The following COL22A1 variants were observed in gnomAD, a reference collection of about 807,000 sequenced individuals.
The protein encoded by COL22A1 is collagen alpha-1(XXII) chain.
COL22A1 carries 221 observed loss-of-function variants against 248.9 expected under a neutral mutation model. The observed-to-expected ratio is 0.89, with a 90% CI of 0.80 to 0.99. The LOEUF (loss-of-function observed/expected upper bound fraction) is 0.99. Among genes scored for constraint, COL22A1 ranks in the 50% least tolerant of loss-of-function variants. The pLI is 0.00. For synonymous variants in COL22A1, 891 were observed against 793.4 expected (o/e 1.12, Z -2.07); for missense variants, 2,240 against 2,179.0 (o/e 1.03, Z -0.56).
intron 31 of COL22A1, among the ~76,000 whole-genome samples, chr8:138,701,285 G>T (rs1296895425): frequency 1.3e-5 from 2 of 152,058 alleles, no homozygotes; most frequent in East Asian, 1.9e-4. Flanking sequence ...CCACTGTAGG[G>T]TTAGTTTATC....
intron 10 of COL22A1, among the ~76,000 whole-genome samples, chr8:138,806,685 C>G (rs1817758429): frequency 6.6e-6 from 1 of 152,156 alleles, no homozygotes; most frequent in Non-Finnish European, 1.5e-5. Context: ...CAAGAAGGGA[C>G]CACCTGCAAC....
chr8:138,589,307 C>A lies in COL22A1; in HGVS notation c.4827G>T (p.Gln1609His). The part of the protein sequence containing the change: ...PGPPGQCDPS[Q>H]CAYFASLAAR... Reference sequence around the variant, plus strand: ...CAGCAAGGCTGGCGAAGTAGGCACACTGGGAAGGGTCACATTGGCCTGGGG... The same window carrying A: ...CAGCAAGGCTGGCGAAGTAGGCACAATGGGAAGGGTCACATTGGCCTGGGG... The change falls in exon 65 of 65, where the codon CAG becomes CAT. Residue 1609 changes from glutamine to histidine, a missense_variant. Gln to His is a conservative substitution (Grantham distance 24). Coordinates refer to ENST00000303045, the MANE Select transcript of COL22A1 (RefSeq NM_152888.3). 1 of 1,613,818 alleles carries A rather than the reference C, an allele frequency of 6.2e-7. No individual in the cohort carries two copies. The highest frequency in any genetic ancestry group is 8.5e-7 in the Non-Finnish European group (1 of 1,179,842).
intron 11 of COL22A1, among the ~76,000 whole-genome samples, chr8:138,801,671 G>A (rs1158320449): frequency 6.6e-6 from 1 of 152,148 alleles, no homozygotes; most frequent in Non-Finnish European, 1.5e-5. Flanking sequence ...CTGAGGTCAG[G>A]AGTTTGAGAC....
In COL22A1 at chr8:138,788,282, C is replaced by T. The variant is rs906949813; in HGVS notation, c.1597-7302G>A. 2.0e-5 allele frequency among the ~76,000 whole-genome samples: 3 copies of T among 152,144 alleles called. No homozygotes were observed. The South Asian group carries it at 6.2e-4, about 32-fold the overall frequency. ...TTGTCTCAAGTTTGACAATCATTTGCCAGCATGACAAATGCAGGCTGTGAA... is the reference window on the plus strand; with the variant it reads ...TTGTCTCAAGTTTGACAATCATTTGTCAGCATGACAAATGCAGGCTGTGAA... On this transcript the variant is annotated intron_variant, in intron 12 of 64. Coordinates refer to ENST00000303045, the MANE Select transcript of COL22A1 (RefSeq NM_152888.3).
chr8:138,858,419 CA>C (rs1822206082), intron 3 of COL22A1, among the ~76,000 whole-genome samples: 2 of 151,842 alleles, frequency 1.3e-5, no homozygotes, highest in Admixed American at 6.6e-5. Context: ...CTTGCTTTAT[CA>C]CCCAGGCTGG....
chr8:138,838,093 C>T (rs1820573658), intron 4 of COL22A1, among the ~76,000 whole-genome samples: 1 of 151,130 alleles, frequency 6.6e-6, no homozygotes, highest in African/African-American at 2.4e-5. Flanking sequence ...AAAGAGAGCA[C>T]CGCAGCCGGC....
At chr8:138,592,767 T>C (rs1817191185) in intron 63 of COL22A1, among the ~76,000 whole-genome samples, 1 of 152,336 alleles carries the variant, frequency 6.6e-6, no homozygotes, top group South Asian at 2.1e-4. Context: ...GGGGCTGGTC[T>C]CCTGTCTTTT....
intron 47 of COL22A1, among the ~76,000 whole-genome samples, chr8:138,643,639 T>TAGATAGAC (rs1821919186): frequency 1.1e-5 from 1 of 92,260 alleles, no homozygotes; most frequent in South Asian, 4.3e-4. Flanking sequence ...GATAGATAGA[T>TAGATAGAC]AGATAGATAG....
chr8:138,633,429 A>C (rs766588666), intron 49 of COL22A1, among the ~76,000 whole-genome samples: 1 of 152,248 alleles, frequency 6.6e-6, no homozygotes, highest in Non-Finnish European at 1.5e-5. Context: ...AACTTATTGC[A>C]GCTTCCAGTG....
At chr8:138,635,877 A>G (rs749883703) in intron 48 of COL22A1, among the ~76,000 whole-genome samples, 1 of 152,180 alleles carries the variant, frequency 6.6e-6, no homozygotes, top group Non-Finnish European at 1.5e-5. Context: ...CACTGCTCTC[A>G]TCTCACTGCC....
At chr8:138,632,306 A>G (rs948836176) in intron 49 of COL22A1, among the ~76,000 whole-genome samples, 3 of 152,182 alleles carry the variant, frequency 2.0e-5, no homozygotes, top group East Asian at 3.9e-4. Context: ...TCTGTATTTC[A>G]GTTCCTTTGT....
chr8:138,770,581 T>C (rs12547353), intron 16 of COL22A1, among the ~76,000 whole-genome samples: 74,273 of 151,920 alleles, frequency 0.49, 19,181 homozygotes, highest in African/African-American at 0.65. Flanking sequence ...CACCCCATGT[T>C]GGGCAAGGCC....
At chr8:138,766,540 A>T (rs1399496597) in intron 16 of COL22A1, among the ~76,000 whole-genome samples, 1 of 152,110 alleles carries the variant, frequency 6.6e-6, no homozygotes, top group Non-Finnish European at 1.5e-5. Context: ...AGACAAAGAG[A>T]TGTGAGAGAC....
chr8:138,773,959 C>A (rs181812955), intron 16 of COL22A1, among the ~76,000 whole-genome samples: 6 of 152,166 alleles, frequency 3.9e-5, no homozygotes, highest in African/African-American at 9.7e-5. Context: ...TGAAATAAGA[C>A]CCCTGCTCCC....
intron 37 of COL22A1, among the ~76,000 whole-genome samples, chr8:138,686,439 G>A (rs1826359789): frequency 6.6e-6 from 1 of 152,212 alleles, no homozygotes; most frequent in Non-Finnish European, 1.5e-5. Context: ...GACATTCTCA[G>A]ATGGAGCAGA....
intron 18 of COL22A1, among the ~76,000 whole-genome samples, chr8:138,757,984 T>G (rs1332770783): frequency 6.6e-6 from 1 of 152,194 alleles, no homozygotes; most frequent in African/African-American, 2.4e-5. Flanking sequence ...ACAGCAGACG[T>G]GCTGGGAGGT....
intron 31 of COL22A1, among the ~76,000 whole-genome samples, chr8:138,700,975 C>T (rs1358159434): frequency 1.7e-4 from 20 of 116,284 alleles, no homozygotes; most frequent in Admixed American, 6.5e-4. Context: ...GGCGACACAG[C>T]GAGACTCCGT....
intron 40 of COL22A1, among the ~76,000 whole-genome samples, chr8:138,679,241 T>G (rs1412238513): frequency 6.6e-6 from 1 of 152,218 alleles, no homozygotes; most frequent in African/African-American, 2.4e-5. Flanking sequence ...AAATCTATAT[T>G]TCTTTGCACT....
chr8:138,806,047 TAGGTAATG>T (rs1563788096), intron 10 of COL22A1, among the ~76,000 whole-genome samples: 6 of 42,586 alleles, frequency 1.4e-4, no homozygotes, highest in African/African-American at 4.7e-4. Context: ...TGTGATGGTG[TAGGTAATG>T]GTGTGTGGTG....
Sources: gnomAD v4.1 joint callset for allele counts (sites outside exome capture counted in the v4.1 genomes callset) on GRCh38, gnomAD v4.1.1 for gene constraint, MANE v1.5 for transcripts, NCBI Gene and HGNC (gene_info 2026-07-23, HGNC 2026-07-21) for gene names.